XPO7: variants seen among roughly 807,000 people sequenced by gnomAD.
XPO7 encodes the protein exportin-7.
In XPO7, 21 loss-of-function variants were observed where a neutral mutation model predicts 144.3. The ratio of observed to expected loss-of-function variants is 0.15; its 90% CI spans 0.10 to 0.21. The LOEUF (loss-of-function observed/expected upper bound fraction) is 0.21. Ranked by LOEUF, XPO7 falls within the 10% of genes least tolerant of loss-of-function variation. XPO7 has a pLI of 1.00. For missense variants in XPO7, 808 were observed against 1,325.8 expected, an observed-to-expected ratio of 0.61 and a Z score of 6.06; for synonymous variants, 580 against 499.6, an observed-to-expected ratio of 1.16 and a Z score of -2.15.
chr8:21,991,128 T>C (rs1812759198), intron 18 of XPO7, among the ~76,000 whole-genome samples: 1 of 152,190 alleles, frequency 6.6e-6, no homozygotes. Context: ...CTCCTGAAGT[T>C]TTCATCTGAT....
In XPO7 at chr8:21,990,385, A is replaced by G. The variant is rs746313691; in HGVS notation, c.1910A>G (p.Gln637Arg). 2 of 1,613,852 alleles carry G rather than the reference A, an allele frequency of 1.2e-6. No individual in the cohort carries two copies. Among genetic ancestry groups the G allele is most frequent in the South Asian group, 2.2e-5 (2 of 91,080 alleles). The change falls in exon 17 of 28, where the codon CAG (glutamine) becomes CGG (arginine). Residue 637 changes from glutamine (Q) to arginine (R), a missense_variant. Physicochemically the swap from Gln to Arg is conservative, Grantham distance 43. Coordinates refer to ENST00000252512, the MANE Select transcript of XPO7 (RefSeq NM_015024.5). ...VRKLVKLSAV[Q>R]FMLNNHTSEH... Reference sequence around the variant, plus strand: ...AAGCTAGTGAAGCTTAGTGCGGTACAGTTCATGCTGAACAATCACACGGTG... The same window carrying G: ...AAGCTAGTGAAGCTTAGTGCGGTACGGTTCATGCTGAACAATCACACGGTG...
Position 21,982,730 on chromosome 8 carries a change from C to G in XPO7, c.1195C>G (p.Pro399Ala). 1 of 1,613,956 alleles carries G rather than the reference C, an allele frequency of 6.2e-7. No homozygotes were observed. The highest frequency in any genetic ancestry group is 8.5e-7 in the Non-Finnish European group (1 of 1,179,876). ...TGTGCCGTATGTCAAAGCCACAGAGCCCCACATGCTGGAAACTTACACTCC... is the reference window on the plus strand; with the variant it reads ...TGTGCCGTATGTCAAAGCCACAGAGGCCCACATGCTGGAAACTTACACTCC... ...ASVPYVKATEPHMLETYTPEV... is the reference protein window; with the variant it reads ...ASVPYVKATEAHMLETYTPEV... The change falls in exon 11 of 28, where the codon CCC becomes GCC. Residue 399 changes from proline (P) to alanine (A), a missense_variant. By Grantham distance (27) the Pro-to-Ala change is conservative. This residue lies in a region of XPO7 where 416 missense variants were observed against 612.5 expected (regional missense o/e 0.68). Coordinates refer to ENST00000252512, the MANE Select transcript of XPO7 (RefSeq NM_015024.5).
intron 1 of XPO7, among the ~76,000 whole-genome samples, chr8:21,963,889 G>A (rs952681088): frequency 1.3e-5 from 2 of 152,010 alleles, no homozygotes; most frequent in South Asian, 2.1e-4. Flanking sequence ...AACAAATCTC[G>A]CCTTATGTTG....
Position 21,998,835 on chromosome 8 carries a change from A to G in XPO7, c.2426A>G (p.Tyr809Cys). The G allele has an allele frequency of 6.2e-7, 1 of 1,613,860 alleles. No homozygotes were observed. The highest frequency in any genetic ancestry group is 8.5e-7 in the Non-Finnish European group (1 of 1,179,788). ...GAAACCAGCAAGATGATAACAATGT[A>G]TGGTAAGTGCTTCAGATAATCATGC... ...FRETSKMITM[Y>C]GNRILTLGEV... Residue 809 changes from tyrosine to cysteine, a missense_variant and splice_region_variant, in exon 22 of 28, where the codon TAT becomes TGT. This residue lies in a region of XPO7 where 416 missense variants were observed against 612.5 expected (regional missense o/e 0.68). Coordinates refer to ENST00000252512, the MANE Select transcript of XPO7 (RefSeq NM_015024.5).
chr8:21,957,081 T>G (rs1811559586), intron 1 of XPO7, among the ~76,000 whole-genome samples: 1 of 152,078 alleles, frequency 6.6e-6, no homozygotes, highest in Non-Finnish European at 1.5e-5. Context: ...TCTGCAACTT[T>G]TTGCTTTGTA....
intron 1 of XPO7, among the ~76,000 whole-genome samples, chr8:21,940,356 AAG>A (rs771971627): frequency 2.0e-5 from 3 of 152,350 alleles, no homozygotes; most frequent in South Asian, 2.1e-4. Flanking sequence ...ATAACTGAAA[AAG>A]AAATGATAGA....
intron 1 of XPO7, among the ~76,000 whole-genome samples, chr8:21,948,645 C>A (rs1221799210): frequency 2.0e-5 from 3 of 151,964 alleles, no homozygotes; most frequent in Admixed American, 6.6e-5. Flanking sequence ...GGATATTTGG[C>A]CTTTTCATGT....
intron 1 of XPO7, among the ~76,000 whole-genome samples, chr8:21,920,478 A>T (rs1262058177): frequency 6.6e-6 from 1 of 151,930 alleles, no homozygotes; most frequent in African/African-American, 2.4e-5. Flanking sequence ...CCTCCTATGA[A>T]ACACGGGGTG....
chr8:21,930,745 C>T (rs997867277), intron 1 of XPO7, among the ~76,000 whole-genome samples: 1 of 152,306 alleles, frequency 6.6e-6, no homozygotes, highest in African/African-American at 2.4e-5. Context: ...TGAATAATTA[C>T]TGCAACAATG....
intron 15 of XPO7, 108 bp downstream of exon 15, chr8:21,987,965 G>A (rs1286002615): frequency 7.5e-6 from 9 of 1,192,352 alleles, no homozygotes; most frequent in East Asian, 5.1e-5. Flanking sequence ...AGCATTGATC[G>A]TTTGCGTCAG....
chr8:21,971,544 T>C (rs1375355597), intron 4 of XPO7, among the ~76,000 whole-genome samples: 2 of 152,210 alleles, frequency 1.3e-5, no homozygotes, highest in Non-Finnish European at 2.9e-5. Flanking sequence ...TGCATTCTCT[T>C]TATAAAATGT....
intron 1 of XPO7, among the ~76,000 whole-genome samples, chr8:21,934,205 T>C (rs182405156): frequency 6.6e-5 from 10 of 152,294 alleles, no homozygotes; most frequent in African/African-American, 2.4e-4. Context: ...AGTGTTGTAA[T>C]GAAATATTTT....
intron 1 of XPO7, among the ~76,000 whole-genome samples, chr8:21,943,693 A>C (rs974105637): frequency 4.6e-5 from 7 of 152,150 alleles, no homozygotes; most frequent in Non-Finnish European, 7.4e-5. Context: ...TTGTTTTCTC[A>C]CCCAAATATC....
At chr8:21,970,707 T>C (rs1006848290) in intron 4 of XPO7, among the ~76,000 whole-genome samples, 6 of 152,208 alleles carry the variant, frequency 3.9e-5, no homozygotes, top group African/African-American at 1.4e-4. Context: ...TTCCAAGTTA[T>C]CCTCAAAAAA....
rs1022871687 is a variant in XPO7, at chr8:21,970,024, G to A, written c.260-120G>A. On this transcript the variant is annotated intron_variant, in intron 3 of 27. Coordinates refer to ENST00000252512, the MANE Select transcript of XPO7 (RefSeq NM_015024.5). Reference sequence around the variant, plus strand: ...GTAGCATAAATAATTAAGACAGTTTGGGTTAAATAGTCTAAATTTATAATT... The same window carrying A: ...GTAGCATAAATAATTAAGACAGTTTAGGTTAAATAGTCTAAATTTATAATT... 9.8e-6 allele frequency: 11 copies of A among 1,120,274 alleles called. No individual in the cohort carries two copies. The East Asian group carries it at 2.4e-4, about 24-fold the overall frequency. 69.4% of individuals were successfully genotyped at this position (1,120,274 alleles called of 1,614,324 possible). A position where few individuals can be genotyped will look rare whatever the true frequency, so the allele number is the denominator to read the frequency against.
At chr8:21,936,323 C>A (rs1274497274) in intron 1 of XPO7, among the ~76,000 whole-genome samples, 1 of 152,166 alleles carries the variant, frequency 6.6e-6, no homozygotes, top group Admixed American at 6.5e-5. Flanking sequence ...AGTCAATCAA[C>A]AGAACAATTT....
In XPO7 at chr8:21,980,192, G is replaced by A; in HGVS notation, c.946G>A (p.Glu316Lys). ...TGTTGATGGTGTTAAACGAATACTG[G>A]AAAACCCACAGGTAAGTTTATCTGA... ...HLVDGVKRIL[E>K]NPQSLSDPNN... The change falls in exon 9 of 28, where the codon GAA becomes AAA. Residue 316 changes from glutamate to lysine, a missense_variant. Physicochemically the swap from Glu to Lys is moderately conservative, Grantham distance 56. Coordinates refer to ENST00000252512, the MANE Select transcript of XPO7 (RefSeq NM_015024.5). The A allele has an allele frequency of 2.5e-6, 4 of 1,593,342 alleles. No individual in the cohort carries two copies. The highest frequency in any genetic ancestry group is 3.4e-6 in the Non-Finnish European group (4 of 1,168,874).
chr8:21,994,810 T>G (rs545152821), intron 20 of XPO7, among the ~76,000 whole-genome samples: 2 of 152,036 alleles, frequency 1.3e-5, no homozygotes, highest in East Asian at 3.9e-4. Flanking sequence ...TCCCAGCACT[T>G]AGGGAGGCCG....
chr8:21,985,177 C>T (rs180780501), intron 12 of XPO7, among the ~76,000 whole-genome samples: 4 of 152,126 alleles, frequency 2.6e-5, no homozygotes, highest in African/African-American at 4.8e-5. Context: ...CTCCTGTCTG[C>T]TTTTTAATGC....
Sources: gnomAD v4.1 joint callset for allele counts (sites outside exome capture counted in the v4.1 genomes callset) on GRCh38, gnomAD v4.1.1 for gene constraint, gnomAD v4.1.1 regional missense constraint, MANE v1.5 for transcripts, NCBI Gene and HGNC (gene_info 2026-07-23, HGNC 2026-07-21) for gene names.